Variants in DPYD observed in about 807,000 individuals in gnomAD.
The protein encoded by DPYD is dihydropyrimidine dehydrogenase [NADP(+)].
A neutral mutation model predicts 116.2 loss-of-function variants in DPYD; 109 were observed. That is an observed-to-expected ratio of 0.94 (90% CI 0.80 to 1.10). The LOEUF is 1.10. Among genes scored for constraint, DPYD ranks in the 50% least tolerant of loss-of-function variants. The pLI, the probability that DPYD is intolerant of heterozygous loss-of-function variation, is 0.00. For missense variants in DPYD, 1,302 were observed against 1,254.5 expected (o/e 1.04, Z -0.57); for synonymous variants, 440 against 432.0 (o/e 1.02, Z -0.23).
At chr1:97,563,595 A>C (rs146031793) in intron 11 of DPYD, among the ~76,000 whole-genome samples, 150 of 152,334 alleles carry the variant, frequency 9.8e-4, no homozygotes, top group African/African-American at 3.5e-3. Flanking sequence ...ATATGATATC[A>C]ACCAGTAGTG....
At chr1:97,529,968 C>T (rs1293816549) in intron 12 of DPYD, among the ~76,000 whole-genome samples, 1 of 148,250 alleles carries the variant, frequency 6.7e-6, no homozygotes, top group African/African-American at 2.5e-5. Flanking sequence ...TCTTTCTTTC[C>T]AATATACCCA....
At chr1:97,799,716 AC>A (rs1667756246) in intron 3 of DPYD, among the ~76,000 whole-genome samples, 1 of 150,346 alleles carries the variant, frequency 6.7e-6, no homozygotes. Flanking sequence ...TCTTATCAAA[AC>A]TTTTTTTTGT....
intron 20 of DPYD, among the ~76,000 whole-genome samples, chr1:97,111,250 T>C (rs944634685): frequency 6.6e-6 from 1 of 152,090 alleles, no homozygotes; most frequent in African/African-American, 2.4e-5. Flanking sequence ...TGAGAAGTTG[T>C]CTTAAATAGA....
At chr1:97,670,109 G>A (rs1376962765) in intron 8 of DPYD, among the ~76,000 whole-genome samples, 1 of 152,106 alleles carries the variant, frequency 6.6e-6, no homozygotes, top group Non-Finnish European at 1.5e-5. Flanking sequence ...GGAGGGGAAG[G>A]GTTGTGTACT....
chr1:97,804,938 T>C (rs1422308036), intron 3 of DPYD, among the ~76,000 whole-genome samples: 1 of 151,872 alleles, frequency 6.6e-6, no homozygotes, highest in Non-Finnish European at 1.5e-5. Context: ...TATTATGGTT[T>C]TATAAAAAAG....
chr1:97,226,589 A>G (rs1175074217), intron 19 of DPYD, among the ~76,000 whole-genome samples: 2 of 152,334 alleles, frequency 1.3e-5, no homozygotes, highest in African/African-American at 2.4e-5. Flanking sequence ...TTAACAAAAA[A>G]TTATCCAAAA....
chr1:97,609,858 A>T (rs1489369877), intron 8 of DPYD, among the ~76,000 whole-genome samples: 1 of 151,962 alleles, frequency 6.6e-6, no homozygotes, highest in Non-Finnish European at 1.5e-5. Flanking sequence ...GTAGGTAATT[A>T]CTTACCTATC....
At chr1:97,693,932 A>G (rs1409502961) in intron 6 of DPYD, among the ~76,000 whole-genome samples, 1 of 152,224 alleles carries the variant, frequency 6.6e-6, no homozygotes, top group Middle Eastern at 3.2e-3. Flanking sequence ...TATAAAAAGC[A>G]GGGACAACTT....
intron 21 of DPYD, among the ~76,000 whole-genome samples, chr1:97,088,754 C>T (rs191695246): frequency 6.6e-6 from 1 of 152,266 alleles, no homozygotes; most frequent in East Asian, 1.9e-4. Flanking sequence ...ATGCCATAAT[C>T]TGGTCAGGAA....
chr1:97,839,211 A>G (rs957364404), intron 2 of DPYD, among the ~76,000 whole-genome samples: 2 of 152,222 alleles, frequency 1.3e-5, no homozygotes, highest in Non-Finnish European at 2.9e-5. Context: ...GTTGAAAATT[A>G]CGCATATTGT....
At chr1:97,117,317 T>C (rs1461412799) in intron 20 of DPYD, among the ~76,000 whole-genome samples, 1 of 152,218 alleles carries the variant, frequency 6.6e-6, no homozygotes, top group African/African-American at 2.4e-5. Flanking sequence ...CTTTCAACTA[T>C]ATGTGAACGT....
At chr1:97,769,054 T>C (rs887753255) in intron 3 of DPYD, among the ~76,000 whole-genome samples, 1 of 152,056 alleles carries the variant, frequency 6.6e-6, no homozygotes, top group Non-Finnish European at 1.5e-5. Flanking sequence ...AAGAAAGGCA[T>C]TTACTAAGAT....
chr1:97,271,803 GA>G (rs1487258168), intron 18 of DPYD, among the ~76,000 whole-genome samples: 1 of 152,038 alleles, frequency 6.6e-6, no homozygotes, highest in Non-Finnish European at 1.5e-5. Context: ...CAAATGGAAG[GA>G]CTTCCACACT....
intron 14 of DPYD, among the ~76,000 whole-genome samples, chr1:97,446,329 C>T (rs975760261): frequency 3.3e-5 from 5 of 152,110 alleles, no homozygotes; most frequent in Middle Eastern, 3.2e-3. Flanking sequence ...GAAAGAGGCT[C>T]CCAAGCTTCG....
chr1:97,871,913 T>TTA (rs1671678700), intron 2 of DPYD, among the ~76,000 whole-genome samples: 1 of 151,828 alleles, frequency 6.6e-6, no homozygotes, highest in Admixed American at 6.6e-5. Context: ...TTACATAAGG[T>TTA]TATATATATG....
At chr1:97,406,992 A>T (rs555902787) in intron 14 of DPYD, among the ~76,000 whole-genome samples, 18 of 152,282 alleles carry the variant, frequency 1.2e-4, no homozygotes, top group African/African-American at 3.6e-4. Flanking sequence ...TTCATTTAGG[A>T]ATAGAGCTTT....
intron 3 of DPYD, among the ~76,000 whole-genome samples, chr1:97,810,286 C>CA (rs71071672): frequency 0.73 from 54,045 of 73,608 alleles, 19,990 homozygotes; most frequent in East Asian, 0.9. Flanking sequence ...GACTCCATCT[C>CA]AAAAAAAAAA....
chr1:97,423,679 A>G (rs2101706102), intron 14 of DPYD, among the ~76,000 whole-genome samples: 1 of 152,198 alleles, frequency 6.6e-6, no homozygotes, highest in South Asian at 2.1e-4. Flanking sequence ...TCTCGTCTAA[A>G]CTGGCCCACC....
At chr1:97,865,935 T>A (rs568943635) in intron 2 of DPYD, among the ~76,000 whole-genome samples, 1 of 151,986 alleles carries the variant, frequency 6.6e-6, no homozygotes, top group Non-Finnish European at 1.5e-5. Flanking sequence ...TAAGTGGTTA[T>A]ATACACATAG....
Sources: gnomAD v4.1 joint callset for allele counts (sites outside exome capture counted in the v4.1 genomes callset) on GRCh38, gnomAD v4.1.1 for gene constraint, MANE v1.5 for transcripts, NCBI Gene and HGNC (gene_info 2026-07-23, HGNC 2026-07-21) for gene names.